RUNX3: variants seen among roughly 807,000 people sequenced by gnomAD.
The protein encoded by RUNX3 is runt-related transcription factor 3.
Under a neutral mutation model 27.7 loss-of-function variants are expected in RUNX3, and 10 were observed. The observed-to-expected ratio is 0.36, with a 90% CI of 0.22 to 0.61. The LOEUF (loss-of-function observed/expected upper bound fraction) is 0.61. Among genes scored for constraint, RUNX3 ranks in the 20% least tolerant of loss-of-function variants. The pLI, the probability that RUNX3 is intolerant of heterozygous loss-of-function variation, is 0.72. For missense variants in RUNX3, 469 were observed against 629.5 expected (o/e 0.75, Z 2.73); for synonymous variants, 270 against 269.2 (o/e 1.00, Z -0.03).
At chr1:24,945,267 G>C (rs77247406) in intron 2 of RUNX3, among the ~76,000 whole-genome samples, 1,984 of 152,256 alleles carry the variant, frequency 0.013, 44 homozygotes, top group African/African-American at 0.046. Context: ...TAGGAGTCTT[G>C]TATTTTATCT....
At chr1:24,925,820 A>G (rs1341256239) in intron 2 of RUNX3, among the ~76,000 whole-genome samples, 1 of 152,152 alleles carries the variant, frequency 6.6e-6, no homozygotes, top group Non-Finnish European at 1.5e-5. Context: ...CCAGAGCCAC[A>G]GTCCCAGCCT....
chr1:24,908,108 CGACACGCGGTGATCCAAACCTCTAT>C (rs1273293053), intron 3 of RUNX3, among the ~76,000 whole-genome samples: 3,704 of 143,830 alleles, frequency 0.026, 408 homozygotes, highest in African/African-American at 0.035. Context: ...CGAACCTCTA[CGACACGCGGTGATCCAAACCTCTAT>C]GACACGCGGT....
At position 24,904,958 on chromosome 1, in the gene RUNX3, T is replaced by C. The variant is rs575734220; in HGVS notation, c.704-2292A>G. Among the ~76,000 whole-genome samples the C allele has an allele frequency of 1.2e-3, 178 of 152,320 alleles. 2 individuals are homozygous for C. The highest frequency in any genetic ancestry group is 6.8e-3 in the Middle Eastern group (2 of 294). Reference sequence around the variant, plus strand: ...GTGGAAAGAAATGTTTATTTTCTTCTCCAGATTGTCCGGGCTGCTGCATGG... The same window carrying C: ...GTGGAAAGAAATGTTTATTTTCTTCCCCAGATTGTCCGGGCTGCTGCATGG... On this transcript the variant is annotated intron_variant, in intron 4 of 4. Transcript: ENST00000308873. This position sits in a 1 kb window ranked among gnomAD's most constrained non-coding sequence, Gnocchi z 5.7.
At position 24,911,819 on chromosome 1, in the gene RUNX3, G is replaced by A. The variant is rs371617383; in HGVS notation, c.545-4402C>T. On this transcript the variant is annotated intron_variant, in intron 3 of 4. Coordinates refer to ENST00000308873, the MANE Select transcript of RUNX3 (RefSeq NM_004350.3). The stretch of plus-strand genomic sequence containing the variant: ...GAGACCGACGCTGAGCGCCTGTTCC[G>A]GGACCCAGGCTGTGGGTCAGGTAAT... Among the ~76,000 whole-genome samples the A allele has an allele frequency of 1.2e-4, 19 of 152,316 alleles. No homozygotes were observed. In the South Asian group the frequency reaches 2.1e-3, roughly 17 times the overall value.
At chr1:24,953,381 AAAAGAAAAGAAAAGAAAAATG>A (rs1641823235) in intron 2 of RUNX3, among the ~76,000 whole-genome samples, 2 of 112,150 alleles carry the variant, frequency 1.8e-5, no homozygotes, top group Non-Finnish European at 1.8e-5. Context: ...AAAAAAAAAG[AAAAGAAAAGAAAAGAAAAATG>A]AAAAAAAAAA....
chr1:24,953,402 G>GAAAAAAAA (rs553316885), intron 2 of RUNX3, among the ~76,000 whole-genome samples: 11 of 70,456 alleles, frequency 1.6e-4, no homozygotes, highest in Non-Finnish European at 2.4e-4. Flanking sequence ...AAAGAAAAAT[G>GAAAAAAAA]AAAAAAAAAA....
intron 2 of RUNX3, among the ~76,000 whole-genome samples, chr1:24,954,792 G>T (rs567231042): frequency 1.3e-5 from 2 of 152,200 alleles, no homozygotes; most frequent in African/African-American, 2.4e-5. Flanking sequence ...AACAGGGCTC[G>T]TGAGTGGGTG....
intron 4 of RUNX3, among the ~76,000 whole-genome samples, chr1:24,906,046 G>T (rs537650637): frequency 6.6e-6 from 1 of 152,364 alleles, no homozygotes; most frequent in East Asian, 1.9e-4. Flanking sequence ...GGCCAGAAGG[G>T]GAGGGGTCCT....
Position 24,927,816 on chromosome 1 carries a change from G to C in RUNX3, c.283-86C>G. 2.4e-6 allele frequency: 3 copies of C among 1,240,474 alleles called. No individual in the cohort carries two copies. The highest frequency in any genetic ancestry group is 3.5e-6 in the Non-Finnish European group (3 of 846,498). 76.8% of individuals were successfully genotyped at this position (1,240,474 alleles called of 1,614,324 possible). ...GAAAGGAGGGGAGGGGCTGGGCTGG[G>C]CAGCTCCCCCAGGTCCCAGGCACAC... On this transcript the variant is annotated intron_variant, in intron 1 of 4. Coordinates refer to ENST00000308873, the MANE Select transcript of RUNX3 (RefSeq NM_004350.3). The surrounding 1 kb of genome is among the most constrained non-coding windows in gnomAD (Gnocchi z 5.0).
rs1640593064 is a variant in RUNX3 at position 24,902,990 on chromosome 1, CGG to C, written c.704-326_704-325del. Among the ~76,000 whole-genome samples, 1 of 152,176 alleles carries C rather than the reference CGG, an allele frequency of 6.6e-6. No homozygotes were observed. On this transcript the variant is annotated intron_variant, in intron 4 of 4. Coordinates refer to ENST00000308873, the MANE Select transcript of RUNX3 (RefSeq NM_004350.3). This position sits in a 1 kb window ranked among gnomAD's most constrained non-coding sequence, Gnocchi z 9.2. Reference sequence around the variant, plus strand: ...CCTCGCAGAGGAGAGGCCTAGGATGCGGTGGTGGGGCTGAGGGCAGAGTCAGC... The same window carrying C: ...CCTCGCAGAGGAGAGGCCTAGGATGCTGGTGGGGCTGAGGGCAGAGTCAGC...
chr1:24,949,496 G>T (rs988650132), intron 2 of RUNX3, among the ~76,000 whole-genome samples: 1 of 152,114 alleles, frequency 6.6e-6, no homozygotes, highest in African/African-American at 2.4e-5. Flanking sequence ...ACAGAGAGAG[G>T]CCCCAACCTG....
intron 3 of RUNX3, among the ~76,000 whole-genome samples, chr1:24,914,991 C>T (rs1411706684): frequency 6.6e-6 from 1 of 152,200 alleles, no homozygotes; most frequent in East Asian, 1.9e-4. Context: ...TCCTACTACC[C>T]GAAATGACAT....
chr1:24,911,609 C>A (rs368312762), intron 3 of RUNX3, among the ~76,000 whole-genome samples: 1 of 152,246 alleles, frequency 6.6e-6, no homozygotes, highest in Non-Finnish European at 1.5e-5. Context: ...GGAAGCAGAA[C>A]TATCATCCCC....
intron 2 of RUNX3, among the ~76,000 whole-genome samples, chr1:24,954,650 T>C (rs1273729328): frequency 6.6e-6 from 1 of 152,156 alleles, no homozygotes; most frequent in African/African-American, 2.4e-5. Context: ...CCAGGACAGG[T>C]TTCCCTTCAG....
rs1412723149 is a variant in RUNX3 at position 24,901,177 on chromosome 1, G to T, written c.*945C>A. ...TGGGGCACAGCTTGGCTGGACCCAG[G>T]GGGGACAGGGACATTGATGTCTGAC... is the stretch of plus-strand genomic sequence containing the variant. On this transcript the variant is annotated 3_prime_UTR_variant, in exon 5 of 5. Transcript: ENST00000308873. 1 of 151,978 alleles carries T rather than the reference G, an allele frequency of 6.6e-6. No individual in the cohort carries two copies. The highest frequency in any genetic ancestry group is 1.5e-5 in the Non-Finnish European group (1 of 67,990). 9.4% of individuals were successfully genotyped at this position (151,978 alleles called of 1,614,324 possible).
intron 2 of RUNX3, among the ~76,000 whole-genome samples, chr1:24,950,752 G>A (rs1571353506): frequency 6.6e-6 from 1 of 152,122 alleles, no homozygotes. Context: ...GGCACCTGAC[G>A]GGAATACCAG....
At chr1:24,921,120 C>CCT (rs1197787465) in intron 2 of RUNX3, among the ~76,000 whole-genome samples, 1 of 152,174 alleles carries the variant, frequency 6.6e-6, no homozygotes, top group South Asian at 2.1e-4. Context: ...CAAGCGCATC[C>CCT]CTCTGGTGTC....
At position 24,902,691 on chromosome 1, in the gene RUNX3, A is replaced by G. The variant is rs1020408996; in HGVS notation, c.704-25T>C. On this transcript the variant is annotated intron_variant, in intron 4 of 4. Transcript: ENST00000308873. The surrounding 1 kb of genome is among the most constrained non-coding windows in gnomAD (Gnocchi z 9.2). ...CCTGGAGGACAGCAGGGAAGAGGTC[A>G]GTTCCAGCTCGAGACAACCCCAGGA... is the stretch of plus-strand genomic sequence containing the variant. 48 of 1,501,468 alleles carry G rather than the reference A, an allele frequency of 3.2e-5. No homozygotes were observed. Among genetic ancestry groups the G allele is most frequent in the Admixed American group, 1.4e-4 (6 of 43,802 alleles). The allele number at this position is 1,501,468 out of a possible 1,614,324, so 93.0% of individuals were successfully genotyped here.
At chr1:24,950,783 G>A (rs543904044) in intron 2 of RUNX3, among the ~76,000 whole-genome samples, 4 of 152,158 alleles carry the variant, frequency 2.6e-5, no homozygotes, top group Non-Finnish European at 5.9e-5. Flanking sequence ...CACCATGCCC[G>A]GGCAGTAGGC....
Sources: gnomAD v4.1 joint callset for allele counts (sites outside exome capture counted in the v4.1 genomes callset) on GRCh38, gnomAD v4.1.1 for gene constraint, Gnocchi (gnomAD v3.1) non-coding constraint, MANE v1.5 for transcripts, NCBI Gene and HGNC (gene_info 2026-07-23, HGNC 2026-07-21) for gene names.